LRMDA: variants seen among roughly 807,000 people sequenced by gnomAD.
The protein encoded by LRMDA is leucine rich melanocyte differentiation associated, also known as leucine-rich melanocyte differentiation-associated protein.
LRMDA carries 18 observed loss-of-function variants against 29.8 expected under a neutral mutation model. The ratio of observed to expected loss-of-function variants is 0.60; its 90% CI spans 0.42 to 0.90. The LOEUF (loss-of-function observed/expected upper bound fraction) is 0.90, where lower values mean the gene tolerates loss of function less well. LRMDA is among the 40% of genes least tolerant of loss of function. The probability of loss-of-function intolerance (pLI) is 0.00; values close to 1 mark genes in which losing one functional copy is unlikely to be tolerated. For missense variants in LRMDA, 273 were observed against 273.9 expected (o/e 1.00, Z 0.02); for synonymous variants, 125 against 109.4 (o/e 1.14, Z -0.89).
intron 2 of LRMDA, among the ~76,000 whole-genome samples, chr10:75,649,683 G>T (rs1231850096): frequency 1.3e-5 from 2 of 152,166 alleles, no homozygotes; most frequent in East Asian, 1.9e-4. Flanking sequence ...AAGAGGAATT[G>T]CTGGGTCATA....
At chr10:75,893,307 T>C (rs1462070847) in intron 2 of LRMDA, among the ~76,000 whole-genome samples, 1 of 152,150 alleles carries the variant, frequency 6.6e-6, no homozygotes, top group Non-Finnish European at 1.5e-5. Context: ...CCTGAAATTA[T>C]GTTCTCCAGA....
intron 6 of LRMDA, among the ~76,000 whole-genome samples, chr10:76,535,306 G>A (rs1176678392): frequency 2.6e-5 from 4 of 152,162 alleles, no homozygotes; most frequent in Non-Finnish European, 5.9e-5. Flanking sequence ...GCTCTTGAGG[G>A]GGTTGGAAGA....
chr10:76,557,383 C>A lies in LRMDA; in HGVS notation c.*95C>A. 1 of 1,001,030 alleles carries A rather than the reference C, an allele frequency of 1.0e-6. No individual in the cohort carries two copies. The highest frequency in any genetic ancestry group is 1.5e-6 in the Non-Finnish European group (1 of 651,800). 62.0% of individuals were successfully genotyped at this position (1,001,030 alleles called of 1,614,324 possible). On this transcript the variant is annotated 3_prime_UTR_variant, in exon 7 of 7. Transcript: ENST00000611255. ...ACGCTAAAGAAAAAACAATAGCCCA[C>A]ATTGCCTCTCTTTGGGAAAAGCTAT...
intron 5 of LRMDA, among the ~76,000 whole-genome samples, chr10:76,146,196 T>A (rs140539099): frequency 0.14 from 20,638 of 152,010 alleles, 1,557 homozygotes; most frequent in East Asian, 0.24. Context: ...TTCTGTAGAT[T>A]TCTATTAGGT....
chr10:76,436,007 C>T (rs1047031828), intron 6 of LRMDA, among the ~76,000 whole-genome samples: 15 of 152,156 alleles, frequency 9.9e-5, no homozygotes, highest in African/African-American at 3.6e-4. Context: ...CCAGTTTTTA[C>T]TTTAAATCTG....
At chr10:75,813,178 T>G (rs971779506) in intron 2 of LRMDA, among the ~76,000 whole-genome samples, 2 of 152,090 alleles carry the variant, frequency 1.3e-5, no homozygotes, top group African/African-American at 4.8e-5. Flanking sequence ...AAATCTGAGA[T>G]CAGGTGATCC....
At chr10:75,691,011 A>ACC (rs1436416434) in intron 2 of LRMDA, among the ~76,000 whole-genome samples, 1 of 141,920 alleles carries the variant, frequency 7.0e-6, no homozygotes, top group Admixed American at 7.1e-5. Flanking sequence ...ACACACACAC[A>ACC]CACACACACA....
chr10:76,397,168 T>C (rs975106589), intron 6 of LRMDA, among the ~76,000 whole-genome samples: 7 of 152,124 alleles, frequency 4.6e-5, no homozygotes, highest in African/African-American at 1.7e-4. Flanking sequence ...TAGCAGAAAG[T>C]GACCCCAGCA....
At chr10:75,910,033 T>A (rs1055705980) in intron 2 of LRMDA, among the ~76,000 whole-genome samples, 2 of 152,228 alleles carry the variant, frequency 1.3e-5, no homozygotes, top group African/African-American at 4.8e-5. Context: ...TAGGAGGGAC[T>A]GGAATTTTTC....
At chr10:75,774,530 G>A (rs1843284441) in intron 2 of LRMDA, among the ~76,000 whole-genome samples, 2 of 152,114 alleles carry the variant, frequency 1.3e-5, no homozygotes, top group African/African-American at 2.4e-5. Context: ...TAAAAGTTCT[G>A]TATGCAGGCC....
chr10:75,603,811 G>A (rs1840918963), intron 2 of LRMDA, among the ~76,000 whole-genome samples: 3 of 152,164 alleles, frequency 2.0e-5, no homozygotes, highest in Admixed American at 2.0e-4. Context: ...TTAAAGAATT[G>A]AGGCATAATT....
intron 2 of LRMDA, among the ~76,000 whole-genome samples, chr10:75,884,950 CCAGGAGGCCCGGGGAGGACAGCAGTT>C (rs891926183): frequency 3.3e-5 from 5 of 149,690 alleles, no homozygotes; most frequent in African/African-American, 7.4e-5. Flanking sequence ...GAACTCCAGT[CCAGGAGGCCCGGGGAGGACAGCAGTT>C]CAGGAGGCCC....
intron 2 of LRMDA, among the ~76,000 whole-genome samples, chr10:75,975,275 C>T (rs1011742924): frequency 6.6e-6 from 1 of 152,188 alleles, no homozygotes; most frequent in Non-Finnish European, 1.5e-5. Flanking sequence ...GCCTGAGTGC[C>T]TCTACACTGA....
At chr10:75,971,251 G>A (rs960379292) in intron 2 of LRMDA, among the ~76,000 whole-genome samples, 4 of 152,060 alleles carry the variant, frequency 2.6e-5, no homozygotes, top group Non-Finnish European at 5.9e-5. Context: ...AATGTCTTTT[G>A]TTCTTGGGGT....
chr10:75,919,764 T>C (rs542145821), intron 2 of LRMDA, among the ~76,000 whole-genome samples: 3 of 152,172 alleles, frequency 2.0e-5, no homozygotes, highest in Non-Finnish European at 4.4e-5. Flanking sequence ...CTGGATTAGA[T>C]ATGTTTCCTC....
chr10:75,706,150 A>C (rs946813373), intron 2 of LRMDA, among the ~76,000 whole-genome samples: 1 of 152,174 alleles, frequency 6.6e-6, no homozygotes, highest in Non-Finnish European at 1.5e-5. Flanking sequence ...TGAAGACTGC[A>C]TACTATTCTA....
At chr10:76,402,500 T>C (rs2132498171) in intron 6 of LRMDA, among the ~76,000 whole-genome samples, 1 of 152,228 alleles carries the variant, frequency 6.6e-6, no homozygotes, top group African/African-American at 2.4e-5. Flanking sequence ...TACAGGCGTG[T>C]GTCACCACTC....
intron 5 of LRMDA, among the ~76,000 whole-genome samples, chr10:76,175,483 C>T (rs993539195): frequency 5.9e-5 from 9 of 152,310 alleles, no homozygotes; most frequent in Middle Eastern, 3.4e-3. Context: ...ATGCTATTAT[C>T]GTTTCTCTGG....
intron 2 of LRMDA, among the ~76,000 whole-genome samples, chr10:75,945,970 T>C (rs1387858348): frequency 6.6e-6 from 1 of 152,200 alleles, no homozygotes; most frequent in Admixed American, 6.5e-5. Flanking sequence ...TTCAGCTATA[T>C]ATCTCTTTTG....
Sources: allele counts gnomAD v4.1 joint callset (sites outside exome capture counted in the v4.1 genomes callset), GRCh38; gene constraint gnomAD v4.1.1; transcripts MANE v1.5; gene names NCBI Gene and HGNC (gene_info 2026-07-23, HGNC 2026-07-21).